The following OLA1 variants were observed in gnomAD, a reference collection of about 807,000 sequenced individuals.
The protein encoded by OLA1 is Obg like ATPase 1, also known as obg-like ATPase 1.
OLA1 carries 14 observed loss-of-function variants against 48.4 expected under a neutral mutation model. The observed-to-expected ratio is 0.29, with a 90% CI of 0.19 to 0.45. The LOEUF (loss-of-function observed/expected upper bound fraction) is 0.45, where lower values mean the gene tolerates loss of function less well. Among genes scored for constraint, OLA1 ranks in the 20% least tolerant of loss-of-function variants. OLA1 has a pLI of 1.00. For synonymous variants in OLA1, 127 were observed against 150.4 expected (o/e 0.84, Z 1.14); for missense variants, 325 against 467.1 (o/e 0.70, Z 2.80).
intron 2 of OLA1, among the ~76,000 whole-genome samples, chr2:174,234,765 T>A (rs547144286): frequency 6.6e-6 from 1 of 151,904 alleles, no homozygotes; most frequent in South Asian, 2.1e-4. Context: ...TGCCCAGCCC[T>A]CAACTGTACC....
intron 7 of OLA1, among the ~76,000 whole-genome samples, chr2:174,085,969 T>C (rs569851654): frequency 5.2e-4 from 79 of 152,300 alleles, no homozygotes; most frequent in African/African-American, 1.8e-3. Context: ...AGTTGGTTCC[T>C]GCATATGGGC....
intron 4 of OLA1, among the ~76,000 whole-genome samples, chr2:174,197,176 A>C (rs1046511463): frequency 6.6e-6 from 1 of 152,182 alleles, no homozygotes; most frequent in Non-Finnish European, 1.5e-5. Flanking sequence ...AGGCATAAAT[A>C]GGTTAATTGA....
chr2:174,200,898 T>C (rs1403617495), intron 4 of OLA1, among the ~76,000 whole-genome samples: 4 of 152,142 alleles, frequency 2.6e-5, no homozygotes, highest in Non-Finnish European at 4.4e-5. Flanking sequence ...CTGCAGAAAA[T>C]ACTGATTCAT....
chr2:174,146,889 C>T (rs2105384991), intron 4 of OLA1, among the ~76,000 whole-genome samples: 1 of 152,266 alleles, frequency 6.6e-6, no homozygotes, highest in Non-Finnish European at 1.5e-5. Context: ...AGATTTCCTA[C>T]AGTCTGTGAA....
chr2:174,110,156 T>G (rs1685613619), intron 7 of OLA1, among the ~76,000 whole-genome samples: 2 of 143,996 alleles, frequency 1.4e-5, no homozygotes, highest in South Asian at 4.6e-4. Flanking sequence ...AGTGCAGTGG[T>G]GCGGCATGAT....
At chr2:174,161,880 T>C (rs1687021410) in intron 4 of OLA1, among the ~76,000 whole-genome samples, 1 of 152,148 alleles carries the variant, frequency 6.6e-6, no homozygotes, top group African/African-American at 2.4e-5. Flanking sequence ...TTTTATTGAC[T>C]GCTATGTAAA....
chr2:174,162,172 G>C lies in OLA1; in HGVS notation c.374-20172C>G, dbSNP rs564295048. ...ATACATAAGGTACATTCAGGACACA[G>C]AGTAAATATGTCTGAGGAAAATTTA... On this transcript the variant is annotated intron_variant, in intron 4 of 10. Transcript: ENST00000284719. Among the ~76,000 whole-genome samples the C allele has an allele frequency of 4.6e-5, 7 of 152,278 alleles. 1 individual carries two copies. The South Asian group carries it at 1.2e-3, about 27-fold the overall frequency.
At chr2:174,191,906 T>C (rs1422887429) in intron 4 of OLA1, among the ~76,000 whole-genome samples, 1 of 152,202 alleles carries the variant, frequency 6.6e-6, no homozygotes, top group African/African-American at 2.4e-5. Context: ...TCACAGCACA[T>C]ATGTACAAAC....
intron 4 of OLA1, among the ~76,000 whole-genome samples, chr2:174,185,616 A>C (rs780663903): frequency 6.6e-6 from 1 of 152,144 alleles, no homozygotes; most frequent in Admixed American, 6.6e-5. Flanking sequence ...AGAATTACAC[A>C]AACAAACTGA....
intron 7 of OLA1, among the ~76,000 whole-genome samples, chr2:174,122,030 A>G (rs1685926344): frequency 6.6e-6 from 1 of 152,342 alleles, no homozygotes; most frequent in Non-Finnish European, 1.5e-5. Flanking sequence ...TTAACACATT[A>G]ATCATCAAAT....
At chr2:174,132,242 C>T (rs145994674) in intron 5 of OLA1, among the ~76,000 whole-genome samples, 55 of 152,138 alleles carry the variant, frequency 3.6e-4, no homozygotes, top group African/African-American at 1.3e-3. Context: ...TCTTTTTCCC[C>T]GTTCACTAGT....
intron 1 of OLA1, 53 bp downstream of exon 1, chr2:174,248,399 A>C (rs975228800): frequency 1.3e-5 from 2 of 158,778 alleles, no homozygotes; most frequent in Admixed American, 6.5e-5. Context: ...CAATGAGCCC[A>C]GGCGCCGAAG....
chr2:174,200,119 AATT>A (rs779955512), intron 4 of OLA1, among the ~76,000 whole-genome samples: 4 of 152,332 alleles, frequency 2.6e-5, no homozygotes, highest in South Asian at 4.1e-4. Context: ...TTTTAAAATG[AATT>A]ATTAAGTCAT....
chr2:174,170,180 C>T (rs1687262788), intron 4 of OLA1, among the ~76,000 whole-genome samples: 2 of 152,090 alleles, frequency 1.3e-5, no homozygotes. Flanking sequence ...TTGCAGTGAG[C>T]CGAGATCGCG....
At chr2:174,083,024 G>C (rs1684892005) in intron 7 of OLA1, among the ~76,000 whole-genome samples, 1 of 152,028 alleles carries the variant, frequency 6.6e-6, no homozygotes, top group Admixed American at 6.6e-5. Context: ...CCTGCAAATA[G>C]TAAAGAATTA....
At chr2:174,082,700 G>T (rs751912209) in intron 7 of OLA1, among the ~76,000 whole-genome samples, 1 of 152,074 alleles carries the variant, frequency 6.6e-6, no homozygotes, top group African/African-American at 2.4e-5. Context: ...TAATAGAACT[G>T]CAGAGGAAAG....
chr2:174,100,788 T>C (rs1425281437), intron 7 of OLA1, among the ~76,000 whole-genome samples: 9 of 152,196 alleles, frequency 5.9e-5, no homozygotes, highest in African/African-American at 1.9e-4. Flanking sequence ...CACAAAGATA[T>C]GGAACATTTC....
chr2:174,205,635 T>C (rs1688095356), intron 4 of OLA1, among the ~76,000 whole-genome samples: 1 of 152,220 alleles, frequency 6.6e-6, no homozygotes, highest in Admixed American at 6.5e-5. Flanking sequence ...CAATGGGGTC[T>C]TCCTTAGGTA....
chr2:174,193,529 T>TA (rs1687819582), intron 4 of OLA1, among the ~76,000 whole-genome samples: 1 of 152,336 alleles, frequency 6.6e-6, no homozygotes, highest in East Asian at 1.9e-4. Flanking sequence ...AAATAGTTTT[T>TA]ATGCCTAAAA....
Sources: gnomAD v4.1 joint callset for allele counts (sites outside exome capture counted in the v4.1 genomes callset) on GRCh38, gnomAD v4.1.1 for gene constraint, MANE v1.5 for transcripts, NCBI Gene and HGNC (gene_info 2026-07-23, HGNC 2026-07-21) for gene names.